GPC5: variants seen among roughly 807,000 people sequenced by gnomAD.
The protein encoded by GPC5 is glypican 5.
GPC5 carries 47 observed loss-of-function variants against 53.9 expected under a neutral mutation model. That is an observed-to-expected ratio of 0.87 (90% CI 0.69 to 1.11). The LOEUF (loss-of-function observed/expected upper bound fraction) is 1.11. Among genes scored for constraint, GPC5 ranks in the 50% most tolerant of loss-of-function variants. The probability of loss-of-function intolerance (pLI) is 0.00; values close to 1 mark genes in which losing one functional copy is unlikely to be tolerated. For missense variants in GPC5, 748 were observed against 713.1 expected (o/e 1.05, Z -0.56); for synonymous variants, 286 against 263.3 (o/e 1.09, Z -0.84).
intron 7 of GPC5, among the ~76,000 whole-genome samples, chr13:92,397,943 C>G (rs1875361465): frequency 6.6e-6 from 1 of 152,084 alleles, no homozygotes; most frequent in Non-Finnish European, 1.5e-5. Flanking sequence ...AATATACAGG[C>G]AGATTACCAT....
intron 7 of GPC5, among the ~76,000 whole-genome samples, chr13:92,277,319 G>T (rs189696038): frequency 8.5e-4 from 130 of 152,092 alleles, no homozygotes; most frequent in Middle Eastern, 3.4e-3. Flanking sequence ...ACATTTTCAA[G>T]TATGTTACAG....
At chr13:91,801,275 G>GTGTGTGTGTGTT (rs1248936723) in intron 5 of GPC5, among the ~76,000 whole-genome samples, 64 of 151,802 alleles carry the variant, frequency 4.2e-4, no homozygotes, top group Non-Finnish European at 7.4e-5. Context: ...GTGTGTGTGT[G>GTGTGTGTGTGTT]TGTGTGTGTG....
intron 1 of GPC5, among the ~76,000 whole-genome samples, chr13:91,412,668 C>T (rs573981653): frequency 9.2e-5 from 14 of 152,246 alleles, no homozygotes; most frequent in African/African-American, 2.2e-4. Flanking sequence ...AGGAATATGA[C>T]GTTATCAAAG....
chr13:91,590,421 T>C (rs2032755190), intron 2 of GPC5, among the ~76,000 whole-genome samples: 1 of 152,140 alleles, frequency 6.6e-6, no homozygotes, highest in African/African-American at 2.4e-5. Context: ...TGAACATATA[T>C]GGCATAATAT....
chr13:91,658,160 C>G (rs2139598207), intron 2 of GPC5, among the ~76,000 whole-genome samples: 1 of 152,172 alleles, frequency 6.6e-6, no homozygotes, highest in Admixed American at 6.6e-5. Context: ...GGAAAAAAAT[C>G]AGATCTGAAA....
chr13:92,382,930 G>C (rs1003868345), intron 7 of GPC5, among the ~76,000 whole-genome samples: 47 of 149,326 alleles, frequency 3.1e-4, no homozygotes, highest in African/African-American at 1.2e-3. Flanking sequence ...GCGAACCCGG[G>C]AGGCGGAGCT....
intron 7 of GPC5, among the ~76,000 whole-genome samples, chr13:92,508,502 C>T (rs992004567): frequency 6.6e-6 from 1 of 152,090 alleles, no homozygotes; most frequent in Admixed American, 6.5e-5. Context: ...CTGATATTCT[C>T]AGTAATGGTG....
chr13:91,843,215 G>T (rs761636058), intron 5 of GPC5, among the ~76,000 whole-genome samples: 2 of 152,064 alleles, frequency 1.3e-5, no homozygotes, highest in Non-Finnish European at 2.9e-5. Flanking sequence ...TATAGTCACC[G>T]CTCTAAGAAA....
chr13:92,034,417 G>C (rs2040877169), intron 6 of GPC5, among the ~76,000 whole-genome samples: 2 of 152,126 alleles, frequency 1.3e-5, no homozygotes, highest in Non-Finnish European at 1.5e-5. Flanking sequence ...AGAATCACTT[G>C]AACCCAGGAG....
chr13:91,728,862 A>T (rs2036633841), intron 4 of GPC5, among the ~76,000 whole-genome samples, 197 bp downstream of exon 4: 2 of 152,128 alleles, frequency 1.3e-5, no homozygotes, highest in South Asian at 4.1e-4. Context: ...TATAAGACCA[A>T]GAAAACTTTT....
At chr13:91,430,784 C>G (rs1300171325) in intron 1 of GPC5, among the ~76,000 whole-genome samples, 1 of 152,102 alleles carries the variant, frequency 6.6e-6, no homozygotes, top group Non-Finnish European at 1.5e-5. Context: ...TATTTGCAAG[C>G]ATCTGGGCAA....
At chr13:92,584,704 C>T (rs1162287907) in intron 7 of GPC5, among the ~76,000 whole-genome samples, 1 of 152,138 alleles carries the variant, frequency 6.6e-6, no homozygotes, top group Non-Finnish European at 1.5e-5. Context: ...GTCTTCATGG[C>T]AGCCCTTTCA....
Position 91,410,636 on chromosome 13 carries a change from A to G in GPC5, c.163+11427A>G, listed in dbSNP as rs78350899. 7.6e-3 allele frequency among the ~76,000 whole-genome samples: 1,151 copies of G among 151,926 alleles called. 2 individuals carry two copies. The highest frequency in any genetic ancestry group is 0.011 in the African/African-American group (477 of 41,494). ...GCTGGGATTACAGGCGTGAGCCACT[A>G]CGCCCGGCCTTCCTTCATCTTAATG... On this transcript the variant is annotated intron_variant, in intron 1 of 7. Coordinates refer to ENST00000377067, the MANE Select transcript of GPC5 (RefSeq NM_004466.6).
At position 92,265,481 on chromosome 13, in the gene GPC5, TTCC is replaced by T. The variant is rs139277011; in HGVS notation, c.1561+120495_1561+120497del. 1.6e-3 allele frequency among the ~76,000 whole-genome samples: 245 copies of T among 152,240 alleles called. 2 individuals carry two copies. The East Asian group carries it at 0.035, about 22-fold the overall frequency. ...CTTCACTCCATTTTTCAGTAAGATT[TTCC>T]TCATTTATCTCTAAGACCTTTTTGG... is the stretch of plus-strand genomic sequence containing the variant. On this transcript the variant is annotated intron_variant, in intron 7 of 7. Coordinates refer to ENST00000377067, the MANE Select transcript of GPC5 (RefSeq NM_004466.6).
At position 92,866,615 on chromosome 13, in the gene GPC5, T is replaced by A; in HGVS notation, c.*176T>A. ...CATAAAGTCCCTAAAACTCAACGTT[T>A]AAATGACACACTTTAAAAATATGTC... On this transcript the variant is annotated 3_prime_UTR_variant, in exon 8 of 8. Coordinates refer to ENST00000377067, the MANE Select transcript of GPC5 (RefSeq NM_004466.6). 1 of 437,382 alleles carries A rather than the reference T, an allele frequency of 2.3e-6. No individual in the cohort carries two copies. Among genetic ancestry groups the A allele is most frequent in the Non-Finnish European group, 4.0e-6 (1 of 252,692 alleles). The allele number at this position is 437,382 out of a possible 1,614,324, so 27.1% of individuals were successfully genotyped here. A position where few individuals can be genotyped will look rare whatever the true frequency, so the allele number is the denominator to read the frequency against.
chr13:92,415,835 G>A (rs903239050), intron 7 of GPC5, among the ~76,000 whole-genome samples: 1 of 152,162 alleles, frequency 6.6e-6, no homozygotes. Flanking sequence ...GCTGATGAGG[G>A]TTCATGCAAA....
At chr13:91,515,001 G>A (rs1029673540) in intron 2 of GPC5, among the ~76,000 whole-genome samples, 1 of 152,176 alleles carries the variant, frequency 6.6e-6, no homozygotes, top group African/African-American at 2.4e-5. Flanking sequence ...GATATTAGTT[G>A]AAAATTAAAT....
At chr13:92,120,718 T>C (rs1176451031) in intron 6 of GPC5, among the ~76,000 whole-genome samples, 1 of 152,220 alleles carries the variant, frequency 6.6e-6, no homozygotes, top group Non-Finnish European at 1.5e-5. Context: ...TAAAATTGTG[T>C]TTAAGTGATG....
chr13:91,457,185 A>G (rs949919594), intron 2 of GPC5, among the ~76,000 whole-genome samples: 1 of 152,016 alleles, frequency 6.6e-6, no homozygotes, highest in Non-Finnish European at 1.5e-5. Flanking sequence ...GTATCAAAAT[A>G]TTTAGTTTTT....
Sources: gnomAD v4.1 joint callset for allele counts (sites outside exome capture counted in the v4.1 genomes callset) on GRCh38, gnomAD v4.1.1 for gene constraint, MANE v1.5 for transcripts, NCBI Gene and HGNC (gene_info 2026-07-23, HGNC 2026-07-21) for gene names.